The following MPDZ variants were observed in gnomAD, a reference collection of about 807,000 sequenced individuals.
MPDZ encodes the protein multiple PDZ domain protein.
A neutral mutation model predicts 239.1 loss-of-function variants in MPDZ; 234 were observed. The observed-to-expected ratio is 0.98, with a 90% CI of 0.88 to 1.09. The LOEUF is 1.09. Among genes scored for constraint, MPDZ ranks in the 50% least tolerant of loss-of-function variants. The pLI is 0.00. For missense variants in MPDZ, 3,175 were observed against 2,510.0 expected (o/e 1.26, Z -5.66); for synonymous variants, 1,048 against 881.3 (o/e 1.19, Z -3.35).
intron 12 of MPDZ, among the ~76,000 whole-genome samples, chr9:13,203,731 CACACACA>C (rs1564021734): frequency 1.5e-3 from 4 of 2,746 alleles, no homozygotes; most frequent in East Asian, 2.9e-3. Flanking sequence ...TATCCTGCCA[CACACACA>C]CACACACACA....
chr9:13,190,154 T>C lies in MPDZ; in HGVS notation c.2114A>G (p.Lys705Arg), dbSNP rs757558428. 6.8e-6 allele frequency: 11 copies of C among 1,613,172 alleles called. No individual in the cohort carries two copies. Among genetic ancestry groups the C allele is most frequent in the African/African-American group, 2.7e-5 (2 of 74,918 alleles). The change falls in exon 16 of 47, where the codon AAA (lysine) becomes AGA (arginine). Residue 705 changes from lysine to arginine, a missense_variant. By Grantham distance (26) the Lys-to-Arg change is conservative. Coordinates refer to ENST00000319217, the MANE Select transcript of MPDZ (RefSeq NM_001378778.1). ...GCTAAAACCAAGTCCTTTGCTCCCT[T>C]TCTCCAGCTCTATGTGCTGAATGCC... Reference protein sequence around the residue: ...EAGIQHIELEKGSKGLGFSIL... With the variant: ...EAGIQHIELERGSKGLGFSIL...
At chr9:13,203,765 CACACACACAG>C (rs1206127139) in intron 12 of MPDZ, among the ~76,000 whole-genome samples, 58 of 150,726 alleles carry the variant, frequency 3.8e-4, no homozygotes, top group Non-Finnish European at 6.2e-4. Context: ...CACACACACA[CACACACACAG>C]AGAGAGAAAG....
intron 22 of MPDZ, among the ~76,000 whole-genome samples, chr9:13,168,006 T>C (rs2133883646): frequency 6.6e-6 from 1 of 152,168 alleles, no homozygotes; most frequent in South Asian, 2.1e-4. Context: ...GTCAATTAGG[T>C]AGGGTACAAT....
chr9:13,158,373 A>G (rs1367289868), intron 23 of MPDZ, among the ~76,000 whole-genome samples: 2 of 152,160 alleles, frequency 1.3e-5, no homozygotes, highest in Non-Finnish European at 2.9e-5. Context: ...TTGATGAGAC[A>G]TAGGAGCATA....
At chr9:13,163,583 C>T (rs1438626209) in intron 22 of MPDZ, among the ~76,000 whole-genome samples, 3 of 152,106 alleles carry the variant, frequency 2.0e-5, no homozygotes, top group Non-Finnish European at 4.4e-5. Flanking sequence ...CTGCTTCTGA[C>T]ATGGTGGACA....
intron 39 of MPDZ, among the ~76,000 whole-genome samples, chr9:13,117,904 A>G (rs112794683): frequency 6.9e-6 from 1 of 144,568 alleles, no homozygotes; most frequent in African/African-American, 2.6e-5. Flanking sequence ...GACTGCAATG[A>G]TGCGATCTCG....
intron 1 of MPDZ, among the ~76,000 whole-genome samples, chr9:13,261,867 CAAAAAAAAA>C (rs34852528): frequency 3.1e-5 from 3 of 98,294 alleles, no homozygotes; most frequent in African/African-American, 1.1e-4. Context: ...CCTGTCTCTA[CAAAAAAAAA>C]AAAAAAAAAA....
At chr9:13,256,041 A>T (rs1395485294) in intron 1 of MPDZ, among the ~76,000 whole-genome samples, 2 of 152,138 alleles carry the variant, frequency 1.3e-5, no homozygotes, top group African/African-American at 4.8e-5. Flanking sequence ...TCTTAGCTAG[A>T]TCTTCTGGAT....
chr9:13,194,586 C>T (rs1452903320), intron 13 of MPDZ, among the ~76,000 whole-genome samples: 2 of 151,988 alleles, frequency 1.3e-5, no homozygotes, highest in Non-Finnish European at 2.9e-5. Context: ...AGGATAAATA[C>T]CTAATGCATG....
chr9:13,111,981 T>C (rs1277812232), intron 43 of MPDZ, 43 bp downstream of exon 43: 2 of 1,605,098 alleles, frequency 1.2e-6, no homozygotes, highest in Non-Finnish European at 1.7e-6. Flanking sequence ...AAAACACTTC[T>C]GCACATTTTG....
At chr9:13,147,316 A>G (rs1948568181) in intron 26 of MPDZ, among the ~76,000 whole-genome samples, 1 of 152,096 alleles carries the variant, frequency 6.6e-6, no homozygotes, top group Admixed American at 6.6e-5. Flanking sequence ...AGAGATACTG[A>G]TAAATCTACT....
At chr9:13,275,635 G>A (rs1305918981) in intron 1 of MPDZ, among the ~76,000 whole-genome samples, 1 of 152,184 alleles carries the variant, frequency 6.6e-6, no homozygotes, top group Non-Finnish European at 1.5e-5. Flanking sequence ...GTTTTAGGGT[G>A]CATGTTAGAA....
intron 1 of MPDZ, among the ~76,000 whole-genome samples, chr9:13,252,518 AT>A (rs1968328982): frequency 6.8e-6 from 1 of 146,280 alleles, no homozygotes; most frequent in Non-Finnish European, 1.5e-5. Flanking sequence ...GTGAGCCAAG[AT>A]CGCGCCACAG....
intron 12 of MPDZ, among the ~76,000 whole-genome samples, chr9:13,198,626 C>A (rs1037491036): frequency 6.6e-6 from 1 of 151,638 alleles, no homozygotes; most frequent in Non-Finnish European, 1.5e-5. Context: ...TTTGGTTGCC[C>A]GTGCTTTTGT....
intron 10 of MPDZ, among the ~76,000 whole-genome samples, chr9:13,207,764 T>A (rs1271093163): frequency 6.6e-6 from 1 of 152,198 alleles, no homozygotes; most frequent in Non-Finnish European, 1.5e-5. Flanking sequence ...CTTATAGTAG[T>A]GTCATCAAAA....
chr9:13,261,915 C>T (rs1970773408), intron 1 of MPDZ, among the ~76,000 whole-genome samples: 1 of 150,712 alleles, frequency 6.6e-6, no homozygotes, highest in Non-Finnish European at 1.5e-5. Context: ...CGTAGAGGCA[C>T]ATGCATGTAG....
rs185422539 is a variant in MPDZ at position 13,108,985 on chromosome 9, C to A, written c.6017G>T (p.Gly2006Val). The change falls in exon 46 of 47, where the codon GGC (glycine) becomes GTC (valine). Residue 2006 changes from glycine to valine, a missense_variant. Coordinates refer to ENST00000319217, the MANE Select transcript of MPDZ (RefSeq NM_001378778.1). ...GLGFSIVGGY[G>V]SPHGDLPIYV... Reference sequence around the variant, plus strand: ...AATGGGTAAGTCTCCATGAGGGCTGCCATATCCTCCAACTATACTGAAGCC... The same window carrying A: ...AATGGGTAAGTCTCCATGAGGGCTGACATATCCTCCAACTATACTGAAGCC... 6.2e-6 allele frequency: 10 copies of A among 1,606,500 alleles called. No individual in the cohort carries two copies. In the East Asian group the frequency reaches 2.2e-4, roughly 36 times the overall value.
In MPDZ at chr9:13,168,349, C is replaced by T. The variant is rs1951345721; in HGVS notation, c.3254+17G>A. Reference sequence around the variant, plus strand: ...CCTGAATTTCCCAAGTTAAACTGGGCTTCAAATGATACTTACTTTATGTCA... The same window carrying T: ...CCTGAATTTCCCAAGTTAAACTGGGTTTCAAATGATACTTACTTTATGTCA... On this transcript the variant is annotated intron_variant, in intron 22 of 46. Transcript: ENST00000319217. 2 of 1,605,088 alleles carry T rather than the reference C, an allele frequency of 1.2e-6. No individual in the cohort carries two copies. Among genetic ancestry groups the T allele is most frequent in the Admixed American group, 1.7e-5 (1 of 58,894 alleles).
intron 12 of MPDZ, among the ~76,000 whole-genome samples, chr9:13,201,589 C>A (rs1484451416): frequency 1.3e-5 from 2 of 151,926 alleles, no homozygotes; most frequent in African/African-American, 4.8e-5. Context: ...CCATAATTCT[C>A]ATAGGTCTCC....
Sources: gnomAD v4.1 joint callset for allele counts (sites outside exome capture counted in the v4.1 genomes callset) on GRCh38, gnomAD v4.1.1 for gene constraint, MANE v1.5 for transcripts, NCBI Gene and HGNC (gene_info 2026-07-23, HGNC 2026-07-21) for gene names.